LRRC49: variants seen among roughly 807,000 people sequenced by gnomAD.
The protein encoded by LRRC49 is leucine rich repeat containing 49.
In LRRC49, 50 loss-of-function variants were observed where a neutral mutation model predicts 83.3. The observed-to-expected ratio is 0.60, with a 90% confidence interval of 0.48 to 0.76. The LOEUF (loss-of-function observed/expected upper bound fraction) is 0.76, where lower values mean the gene tolerates loss of function less well. Ranked by LOEUF, LRRC49 falls within the 30% of genes least tolerant of loss-of-function variation. LRRC49 has a pLI of 0.00. For missense variants in LRRC49, 704 were observed against 809.1 expected, an observed-to-expected ratio of 0.87 and a Z score of 1.58; for synonymous variants, 286 against 283.3, an observed-to-expected ratio of 1.01 and a Z score of -0.10.
At chr15:70,910,605 A>G (rs2034511604) in intron 5 of LRRC49, among the ~76,000 whole-genome samples, 1 of 152,218 alleles carries the variant, frequency 6.6e-6, no homozygotes, top group African/African-American at 2.4e-5. Context: ...TCAAATAAAT[A>G]TAAGCATTTT....
At chr15:70,889,455 C>T (rs1362198365), upstream of LRRC49, among the ~76,000 whole-genome samples, 1 of 152,000 alleles carries the variant, frequency 6.6e-6, no homozygotes, top group Non-Finnish European at 1.5e-5. Context: ...TAGCAATGTT[C>T]TGTTTCTTTG....
chr15:70,896,018 C>A, intron 3 of LRRC49, 82 bp downstream of exon 3: 2 of 788,478 alleles, frequency 2.5e-6, no homozygotes, highest in South Asian at 2.1e-5. Context: ...ATTACTAGAT[C>A]CAAATAAACT....
chr15:71,039,931 C>T (rs926591380), intron 15 of LRRC49, among the ~76,000 whole-genome samples: 4 of 152,118 alleles, frequency 2.6e-5, no homozygotes, highest in Non-Finnish European at 2.9e-5. Flanking sequence ...ATACAGACAG[C>T]ATAACATTGA....
intron 1 of LRRC49, among the ~76,000 whole-genome samples, chr15:70,871,260 G>T (rs1462031368): frequency 6.6e-6 from 1 of 152,016 alleles, no homozygotes; most frequent in Non-Finnish European, 1.5e-5. Flanking sequence ...CAGAGAGCAC[G>T]GGGTTGGGGG....
At chr15:70,896,734 T>C (rs556696662) in intron 3 of LRRC49, among the ~76,000 whole-genome samples, 89 of 152,282 alleles carry the variant, frequency 5.8e-4, no homozygotes, top group African/African-American at 2.0e-3. Context: ...CTGATCAGTA[T>C]AGGCCTTTCT....
At chr15:70,937,893 A>G (rs1412148663) in intron 8 of LRRC49, among the ~76,000 whole-genome samples, 1 of 152,118 alleles carries the variant, frequency 6.6e-6, no homozygotes, top group Non-Finnish European at 1.5e-5. Context: ...TCCAGGTGCC[A>G]TTATTCTATC....
At chr15:70,939,859 T>G (rs1417324438) in intron 8 of LRRC49, among the ~76,000 whole-genome samples, 2 of 151,320 alleles carry the variant, frequency 1.3e-5, no homozygotes, top group African/African-American at 4.9e-5. Context: ...TTTTTTTTTT[T>G]TTTTTTTTTA....
chr15:71,017,744 A>C (rs1276747445), intron 14 of LRRC49, among the ~76,000 whole-genome samples: 2 of 152,208 alleles, frequency 1.3e-5, no homozygotes, highest in Non-Finnish European at 2.9e-5. Flanking sequence ...TGTACACTGT[A>C]CATGTTGGTA....
chr15:70,984,062 T>C, intron 10 of LRRC49, 32 bp from the exon 11 acceptor site: 2 of 1,593,942 alleles, frequency 1.3e-6, no homozygotes, highest in Non-Finnish European at 1.7e-6. Flanking sequence ...AATTGCATTA[T>C]ATAACTTTTG....
intron 15 of LRRC49, among the ~76,000 whole-genome samples, chr15:71,041,705 A>AATC (rs886277308): frequency 6.6e-6 from 1 of 152,204 alleles, no homozygotes; most frequent in South Asian, 2.1e-4. Flanking sequence ...AATTTCATAT[A>AATC]ATCCCAATGA....
chr15:70,942,281 T>A (rs760959226), intron 8 of LRRC49, among the ~76,000 whole-genome samples: 11 of 152,164 alleles, frequency 7.2e-5, no homozygotes, highest in Non-Finnish European at 1.3e-4. Context: ...ACGTGAAGGT[T>A]CTAAAAGTTG....
intron 15 of LRRC49, among the ~76,000 whole-genome samples, chr15:71,039,694 G>A (rs1168337988): frequency 6.6e-6 from 1 of 152,206 alleles, no homozygotes; most frequent in Non-Finnish European, 1.5e-5. Flanking sequence ...ATCTGCAGTT[G>A]GTTGAATTCA....
chr15:71,024,940 A>G (rs2039114111), intron 14 of LRRC49, among the ~76,000 whole-genome samples: 2 of 152,232 alleles, frequency 1.3e-5, no homozygotes, highest in Non-Finnish European at 2.9e-5. Flanking sequence ...AGCAGAGTAA[A>G]GAATTTCAGA....
chr15:71,033,292 A>G (rs2039417181), intron 14 of LRRC49, among the ~76,000 whole-genome samples: 1 of 152,196 alleles, frequency 6.6e-6, no homozygotes, highest in African/African-American at 2.4e-5. Flanking sequence ...ATGCCTGGGA[A>G]TACAGCTAAC....
At chr15:70,872,044 C>T (rs530403088) in intron 1 of LRRC49, among the ~76,000 whole-genome samples, 3 of 152,300 alleles carry the variant, frequency 2.0e-5, no homozygotes, top group East Asian at 3.9e-4. Flanking sequence ...CCAAGGCAGG[C>T]GGCTGGGAGG....
intron 2 of LRRC49, chr15:70,882,405 G>A: frequency 2.2e-6 from 3 of 1,377,924 alleles, no homozygotes; most frequent in Non-Finnish European, 3.0e-6. Context: ...AATTATGTGA[G>A]TAAAGATTTG....
chr15:70,892,414 G>C, upstream of LRRC49: 1 of 1,539,122 alleles, frequency 6.5e-7, no homozygotes, highest in Non-Finnish European at 8.7e-7. Flanking sequence ...CCTACCTCTG[G>C]TCACCGGAAG....
At chr15:70,860,324 T>C (rs2032759157) in intron 1 of LRRC49, among the ~76,000 whole-genome samples, 1 of 152,206 alleles carries the variant, frequency 6.6e-6, no homozygotes, top group South Asian at 2.1e-4. Context: ...GGACACCCCT[T>C]ACCCATGCCT....
intron 8 of LRRC49, among the ~76,000 whole-genome samples, chr15:70,951,168 A>G (rs1382061861): frequency 1.3e-5 from 2 of 152,098 alleles, no homozygotes; most frequent in African/African-American, 4.8e-5. Flanking sequence ...GTAGCTTTGT[A>G]ATATAGTTTG....
Sources: gnomAD v4.1 joint callset for allele counts (sites outside exome capture counted in the v4.1 genomes callset) on GRCh38, gnomAD v4.1.1 for gene constraint, MANE v1.5 for transcripts, NCBI Gene and HGNC (gene_info 2026-07-23, HGNC 2026-07-21) for gene names.